PDZD8: variants seen among roughly 807,000 people sequenced by gnomAD.
The protein encoded by PDZD8 is PDZ domain-containing protein 8.
PDZD8 carries 14 observed loss-of-function variants against 85.8 expected under a neutral mutation model. The observed-to-expected ratio is 0.16, with a 90% CI of 0.11 to 0.26. The LOEUF (loss-of-function observed/expected upper bound fraction) is 0.26, where lower values mean the gene tolerates loss of function less well. PDZD8 is among the 10% of genes least tolerant of loss of function. The pLI is 1.00. For synonymous variants in PDZD8, 592 were observed against 568.6 expected (o/e 1.04, Z -0.59); for missense variants, 1,197 against 1,424.3 (o/e 0.84, Z 2.57).
At chr10:117,329,115 A>C (rs147656159) in intron 2 of PDZD8, among the ~76,000 whole-genome samples, 4 of 152,370 alleles carry the variant, frequency 2.6e-5, no homozygotes, top group African/African-American at 9.6e-5. Flanking sequence ...TTCAAATTAT[A>C]TAATGACCAG....
At position 117,283,152 on chromosome 10, in the gene PDZD8, G is replaced by C. The variant is rs1368561183; in HGVS notation, c.*116C>G. The C allele has an allele frequency of 9.7e-6, 10 of 1,028,776 alleles. No individual in the cohort carries two copies. The highest frequency in any genetic ancestry group is 1.4e-5 in the Non-Finnish European group (10 of 723,322). The allele number at this position is 1,028,776 out of a possible 1,614,324, so 63.7% of individuals were successfully genotyped here. On this transcript the variant is annotated 3_prime_UTR_variant, in exon 5 of 5. Coordinates refer to ENST00000334464, the MANE Select transcript of PDZD8 (RefSeq NM_173791.5). The stretch of plus-strand genomic sequence containing the variant: ...CTTTCTCATTTTTGTTCTTACACAA[G>C]CAAGTAACTGGAGAAGCAGGCCAGA...
At chr10:117,296,630 G>A (rs1954212) in intron 3 of PDZD8, among the ~76,000 whole-genome samples, 116,082 of 152,022 alleles carry the variant, frequency 0.76, 45,087 homozygotes, top group Non-Finnish European at 0.85. Context: ...TGAAATAATG[G>A]AATGATAGTC....
At chr10:117,290,404 GA>G in intron 3 of PDZD8, 56 bp from the exon 4 acceptor site, 2 of 1,375,186 alleles carry the variant, frequency 1.5e-6, no homozygotes, top group Non-Finnish European at 2.0e-6. Context: ...AGTAATAGAG[GA>G]AAAAAACAGT....
In PDZD8 at chr10:117,284,870, C is replaced by G. The variant is rs772285226; in HGVS notation, c.1863G>C (p.Lys621Asn). 2 of 1,614,168 alleles carry G rather than the reference C, an allele frequency of 1.2e-6. No homozygotes were observed. The highest frequency in any genetic ancestry group is 3.3e-5 in the Admixed American group (2 of 60,022). Residue 621 changes from lysine (K) to asparagine (N), a missense_variant, in exon 5 of 5, where the codon AAG becomes AAC. Lys to Asn is a moderately conservative substitution (Grantham distance 94). This residue lies in a region of PDZD8 where 263 missense variants were observed against 261.9 expected (regional missense o/e 1.00). Transcript: ENST00000334464. Reference protein sequence around the residue: ...EPDVLVEKPEKVVPPPLVDKS... With the variant: ...EPDVLVEKPENVVPPPLVDKS... ...TATCTACAAGAGGAGGTGGCACCAC[C>G]TTCTCTGGCTTTTCAACGAGAACAT...
intron 2 of PDZD8, among the ~76,000 whole-genome samples, chr10:117,323,113 T>C (rs964623634): frequency 3.9e-5 from 6 of 152,180 alleles, no homozygotes; most frequent in African/African-American, 7.2e-5. Flanking sequence ...AGAATTACAA[T>C]GGCCATATGA....
At chr10:117,321,663 T>G (rs763532233) in intron 2 of PDZD8, among the ~76,000 whole-genome samples, 1 of 152,132 alleles carries the variant, frequency 6.6e-6, no homozygotes, top group Non-Finnish European at 1.5e-5. Context: ...AATAAAACAA[T>G]TGAAAGAAAA....
chr10:117,358,706 C>A (rs560027345), intron 1 of PDZD8, among the ~76,000 whole-genome samples: 1 of 152,174 alleles, frequency 6.6e-6, no homozygotes, highest in African/African-American at 2.4e-5. Context: ...TACTTACTAG[C>A]CTTGACACCT....
In PDZD8 at chr10:117,283,388, T is replaced by A; in HGVS notation, c.3345A>T (p.Lys1115Asn). 6.2e-7 allele frequency: 1 copy of A among 1,614,158 alleles called. No homozygotes were observed. Among genetic ancestry groups the A allele is most frequent in the Non-Finnish European group, 8.5e-7 (1 of 1,179,988 alleles). The change falls in exon 5 of 5, where the codon AAA becomes AAT. Residue 1115 changes from lysine to asparagine, a missense_variant. This residue lies in a region of PDZD8 where 418 missense variants were observed against 571.1 expected (regional missense o/e 0.73). Transcript: ENST00000334464. Reference sequence around the variant, plus strand: ...CTGTATCATCTGTGTACTTGCTTATTTTTTTGGAGTGCTGGTCTAAAGACA... The same window carrying A: ...CTGTATCATCTGTGTACTTGCTTATATTTTTGGAGTGCTGGTCTAAAGACA... Reference protein sequence around the residue: ...ESLSLDQHSKKISKYTDDTEE... With the variant: ...ESLSLDQHSKNISKYTDDTEE...
chr10:117,374,018 G>C lies in PDZD8; in HGVS notation c.872+338C>G, dbSNP rs75061202. On this transcript the variant is annotated intron_variant, in intron 1 of 4. Transcript: ENST00000334464. The surrounding 1 kb of genome is among the most constrained non-coding windows in gnomAD (Gnocchi z 7.8). ...CCTCAATGCAGCAACCACATAGAGG[G>C]AGAGTTTCTCAACAGTCCCAGAAGC... Among the ~76,000 whole-genome samples, 13,657 of 152,208 alleles carry C rather than the reference G, an allele frequency of 0.09. 793 individuals are homozygous for C. The highest frequency in any genetic ancestry group is 0.14 in the South Asian group (658 of 4,824).
chr10:117,322,619 ATTTTTCTT>A (rs1844244891), intron 2 of PDZD8, among the ~76,000 whole-genome samples: 1 of 151,914 alleles, frequency 6.6e-6, no homozygotes, highest in Admixed American at 6.6e-5. Flanking sequence ...TACATTCTTC[ATTTTTCTT>A]GTACACTCAG....
intron 1 of PDZD8, among the ~76,000 whole-genome samples, chr10:117,362,920 C>T (rs529397631): frequency 2.0e-5 from 3 of 152,112 alleles, no homozygotes; most frequent in Non-Finnish European, 2.9e-5. Context: ...CTTCCCATGG[C>T]AAGAGTTTGC....
chr10:117,283,785 T>C lies in PDZD8; in HGVS notation c.2948A>G (p.Glu983Gly), dbSNP rs772620915. ...NTSDNEGSDT[E>G]VCGPNSPSKR... Reference sequence around the variant, plus strand: ...AGAAGGACTGTTTGGACCACAGACCTCCGTGTCACTGCCTTCGTTGTCTGA... The same window carrying C: ...AGAAGGACTGTTTGGACCACAGACCCCCGTGTCACTGCCTTCGTTGTCTGA... The change falls in exon 5 of 5, where the codon GAG becomes GGG. Residue 983 changes from glutamate to glycine, a missense_variant. Coordinates refer to ENST00000334464, the MANE Select transcript of PDZD8 (RefSeq NM_173791.5). 6.2e-7 allele frequency: 1 copy of C among 1,614,236 alleles called. No homozygotes were observed. Among genetic ancestry groups the C allele is most frequent in the East Asian group, 2.2e-5 (1 of 44,882 alleles).
chr10:117,319,506 A>G (rs1360198019), intron 2 of PDZD8, among the ~76,000 whole-genome samples: 1 of 152,018 alleles, frequency 6.6e-6, no homozygotes, highest in East Asian at 1.9e-4. Context: ...CTCCTCTAGA[A>G]ACTCTGGGCA....
intron 1 of PDZD8, among the ~76,000 whole-genome samples, chr10:117,361,027 C>T (rs1051011485): frequency 2.6e-5 from 4 of 152,084 alleles, no homozygotes; most frequent in African/African-American, 7.2e-5. Flanking sequence ...AGCTCACATT[C>T]CATTAGCTGT....
chr10:117,351,185 C>T (rs2133863566), intron 1 of PDZD8, among the ~76,000 whole-genome samples: 1 of 152,196 alleles, frequency 6.6e-6, no homozygotes, highest in East Asian at 1.9e-4. Flanking sequence ...CCTCGATATA[C>T]CCAAGAGAAA....
chr10:117,356,973 CT>C (rs918389625), intron 1 of PDZD8, among the ~76,000 whole-genome samples: 2 of 152,048 alleles, frequency 1.3e-5, no homozygotes, highest in Admixed American at 6.6e-5. Context: ...TACAGACAAA[CT>C]TTTTTTCCCA....
chr10:117,343,686 T>C (rs1035971048), intron 1 of PDZD8, among the ~76,000 whole-genome samples: 1 of 152,238 alleles, frequency 6.6e-6, no homozygotes, highest in African/African-American at 2.4e-5. Flanking sequence ...AGTTGAATGT[T>C]ATATGGATTA....
chr10:117,288,768 A>G (rs1844709375), intron 4 of PDZD8, among the ~76,000 whole-genome samples: 2 of 152,200 alleles, frequency 1.3e-5, no homozygotes. Context: ...TCGGCCTCCC[A>G]AAGTGCTGGG....
chr10:117,360,022 C>G (rs1844969132), intron 1 of PDZD8, among the ~76,000 whole-genome samples: 4 of 152,072 alleles, frequency 2.6e-5, no homozygotes, highest in Admixed American at 2.6e-4. Flanking sequence ...CATCCATATA[C>G]CCTCTACCTA....
Sources: gnomAD v4.1 joint callset for allele counts (sites outside exome capture counted in the v4.1 genomes callset) on GRCh38, gnomAD v4.1.1 for gene constraint, gnomAD v4.1.1 regional missense constraint, Gnocchi (gnomAD v3.1) non-coding constraint, MANE v1.5 for transcripts, NCBI Gene and HGNC (gene_info 2026-07-23, HGNC 2026-07-21) for gene names.